Variants in RAPGEF2 observed in about 807,000 individuals in gnomAD.
RAPGEF2 encodes PDZ domain containing guanine nucleotide exchange factor (GEF) 1.
A neutral mutation model predicts 186.7 loss-of-function variants in RAPGEF2; 54 were observed. The ratio of observed to expected loss-of-function variants is 0.29; its 90% confidence interval spans 0.23 to 0.36. RAPGEF2 has a LOEUF of 0.36. Among genes scored for constraint, RAPGEF2 ranks in the 10% least tolerant of loss-of-function variants. RAPGEF2 has a pLI of 1.00. For missense variants in RAPGEF2, 1,532 were observed against 2,045.0 expected (o/e 0.75, Z 4.84); for synonymous variants, 712 against 705.9 (o/e 1.01, Z -0.14).
At chr4:159,258,228 A>G (rs1467667376) in intron 7 of RAPGEF2, among the ~76,000 whole-genome samples, 1 of 152,212 alleles carries the variant, frequency 6.6e-6, no homozygotes, top group African/African-American at 2.4e-5. Flanking sequence ...TAGAGCTGCT[A>G]AAGAGAGGGA....
intron 3 of RAPGEF2, among the ~76,000 whole-genome samples, chr4:159,205,299 C>A (rs999903438): frequency 4.6e-5 from 7 of 152,076 alleles, no homozygotes; most frequent in Non-Finnish European, 1.0e-4. Flanking sequence ...TTAGGTGATT[C>A]ATTTGCACAT....
At chr4:159,237,128 C>T (rs1485826430) in intron 4 of RAPGEF2, among the ~76,000 whole-genome samples, 1 of 152,126 alleles carries the variant, frequency 6.6e-6, no homozygotes, top group Non-Finnish European at 1.5e-5. Context: ...TCAAGTGATC[C>T]TCCCATCTCA....
chr4:159,256,342 TC>T (rs1260325411), intron 7 of RAPGEF2, among the ~76,000 whole-genome samples: 4 of 152,228 alleles, frequency 2.6e-5, no homozygotes, highest in Non-Finnish European at 5.9e-5. Flanking sequence ...GATAATAGCT[TC>T]TAGCTCCATC....
chr4:159,310,147 T>C (rs926595015), intron 8 of RAPGEF2, among the ~76,000 whole-genome samples: 42 of 152,080 alleles, frequency 2.8e-4, no homozygotes, highest in African/African-American at 9.4e-4. Context: ...AAAATGCAAA[T>C]GTCTACACCT....
chr4:159,210,075 A>G (rs550983441), intron 3 of RAPGEF2, among the ~76,000 whole-genome samples: 3 of 152,362 alleles, frequency 2.0e-5, no homozygotes, highest in African/African-American at 7.2e-5. Flanking sequence ...GTGCATATAC[A>G]TAAAGAAATT....
intron 4 of RAPGEF2, among the ~76,000 whole-genome samples, chr4:159,213,566 A>G (rs1171577020): frequency 6.6e-6 from 1 of 152,222 alleles, no homozygotes; most frequent in East Asian, 1.9e-4. Flanking sequence ...GGTGAAAAGG[A>G]TGATATATAT....
At chr4:159,283,224 A>AT (rs141694938) in intron 7 of RAPGEF2, among the ~76,000 whole-genome samples, 23 of 151,768 alleles carry the variant, frequency 1.5e-4, no homozygotes, top group African/African-American at 5.1e-4. Flanking sequence ...TAAACGTCGA[A>AT]TTTTTTTTTC....
intron 1 of RAPGEF2, among the ~76,000 whole-genome samples, chr4:159,143,276 A>G (rs1036225735): frequency 6.6e-6 from 1 of 151,976 alleles, no homozygotes; most frequent in African/African-American, 2.4e-5. Context: ...AAAAAAAACC[A>G]AAAAAACGAA....
intron 7 of RAPGEF2, among the ~76,000 whole-genome samples, chr4:159,289,224 A>T (rs894940181): frequency 3.3e-5 from 5 of 152,132 alleles, no homozygotes; most frequent in Non-Finnish European, 5.9e-5. Context: ...ATGTCAGTAA[A>T]TACTTGTTGG....
At chr4:159,131,519 A>ATTGGTTTTTTTTTTTTTT in intron 1 of RAPGEF2, among the ~76,000 whole-genome samples, 4 of 37,186 alleles carry the variant, frequency 1.1e-4, no homozygotes, top group East Asian at 7.0e-4. Flanking sequence ...ATTAATTGCT[A>ATTGGTTTTTTTTTTTTTT]TTTTTTTTTT....
At chr4:159,200,820 T>A (rs932564270) in intron 3 of RAPGEF2, among the ~76,000 whole-genome samples, 2 of 152,168 alleles carry the variant, frequency 1.3e-5, no homozygotes, top group Admixed American at 6.5e-5. Flanking sequence ...AATTTAGAAC[T>A]TTTAAGAAAT....
In RAPGEF2 at chr4:159,114,211, C is replaced by A. The variant is rs551275332; in HGVS notation, c.69+9980C>A. ...CTCCGCCTGCTGGGTTCAAGTGATT[C>A]TCCTGCCTCAGCCTCCTAAGTAGCT... On this transcript the variant is annotated intron_variant, in intron 1 of 29. Transcript: ENST00000691494. 2.0e-5 allele frequency among the ~76,000 whole-genome samples: 3 copies of A among 151,424 alleles called. No individual in the cohort carries two copies. In the South Asian group the frequency reaches 6.3e-4, roughly 32 times the overall value.
intron 9 of RAPGEF2, among the ~76,000 whole-genome samples, chr4:159,317,018 G>A (rs934246559): frequency 2.2e-4 from 33 of 152,172 alleles, no homozygotes; most frequent in Admixed American, 7.9e-4. Context: ...CCAACTCTTG[G>A]GCCAATACAT....
At chr4:159,335,134 CTT>C (rs1336847306) in intron 17 of RAPGEF2, among the ~76,000 whole-genome samples, 1 of 151,972 alleles carries the variant, frequency 6.6e-6, no homozygotes, top group African/African-American at 2.4e-5. Flanking sequence ...TTTCCTCAAA[CTT>C]TATCAGCCTT....
chr4:159,247,701 A>T (rs1298278646), intron 7 of RAPGEF2, among the ~76,000 whole-genome samples: 1 of 151,982 alleles, frequency 6.6e-6, no homozygotes, highest in Non-Finnish European at 1.5e-5. Context: ...GTAAGAATGA[A>T]AGGTGAGGGA....
chr4:159,198,483 T>A (rs2111334878), intron 3 of RAPGEF2, among the ~76,000 whole-genome samples: 1 of 151,598 alleles, frequency 6.6e-6, no homozygotes, highest in East Asian at 2.0e-4. Flanking sequence ...TCTAGCTCTG[T>A]TACCCAGGCT....
At chr4:159,235,208 A>T (rs748503775) in intron 4 of RAPGEF2, among the ~76,000 whole-genome samples, 1 of 152,194 alleles carries the variant, frequency 6.6e-6, no homozygotes, top group Non-Finnish European at 1.5e-5. Context: ...ATTTTCTATA[A>T]GGGCATGCAT....
chr4:159,304,588 T>A, intron 8 of RAPGEF2, 115 bp downstream of exon 8: 1 of 939,030 alleles, frequency 1.1e-6, no homozygotes, highest in Non-Finnish European at 1.5e-6. Flanking sequence ...CATGTGCATG[T>A]AAGTACATAA....
chr4:159,277,629 A>G (rs1005142846), intron 7 of RAPGEF2, among the ~76,000 whole-genome samples: 25 of 152,144 alleles, frequency 1.6e-4, no homozygotes, highest in Non-Finnish European at 2.9e-4. Flanking sequence ...TAACTGGCGT[A>G]AGATGGTATC....
Sources: gnomAD v4.1 joint callset for allele counts (sites outside exome capture counted in the v4.1 genomes callset) on GRCh38, gnomAD v4.1.1 for gene constraint, MANE v1.5 for transcripts, NCBI Gene and HGNC (gene_info 2026-07-23, HGNC 2026-07-21) for gene names.